ZSCAN5A: variants seen among roughly 807,000 people sequenced by gnomAD.
ZSCAN5A encodes zinc finger and SCAN domain-containing protein 5A.
Under a neutral mutation model 23.7 loss-of-function variants are expected in ZSCAN5A, and 12 were observed. The observed-to-expected ratio is 0.51, with a 90% CI of 0.32 to 0.82. The LOEUF (loss-of-function observed/expected upper bound fraction) is 0.82. Among genes scored for constraint, ZSCAN5A ranks in the 40% least tolerant of loss-of-function variants. The pLI, the probability that ZSCAN5A is intolerant of heterozygous loss-of-function variation, is 0.03. For missense variants in ZSCAN5A, 597 were observed against 617.9 expected (o/e 0.97, Z 0.36); for synonymous variants, 257 against 239.9 (o/e 1.07, Z -0.66).
At chr19:56,243,932 T>A in intron 2 of ZSCAN5A, 2 of 558,124 alleles carry the variant, frequency 3.6e-6, no homozygotes, top group Non-Finnish European at 6.4e-6. Context: ...TTCTGAACAG[T>A]GAATCTATTA....
intron 2 of ZSCAN5A, among the ~76,000 whole-genome samples, chr19:56,254,694 TA>T (rs2036580171): frequency 6.6e-6 from 1 of 152,154 alleles, no homozygotes; most frequent in Non-Finnish European, 1.5e-5. Context: ...ATTAACAGTA[TA>T]CCAGGGTTCC....
rs890881159 is a variant in ZSCAN5A, at chr19:56,302,713, TC to T, written c.-128+10569del. 23 of 328,454 alleles carry T rather than the reference TC, an allele frequency of 7.0e-5. 1 individual carries two copies. The highest frequency in any genetic ancestry group is 1.7e-5 in the Non-Finnish European group (3 of 181,530). The allele number at this position is 328,454 out of a possible 1,614,324, so 20.3% of individuals were successfully genotyped here. On this transcript the variant is annotated intron_variant, in intron 2 of 5. Coordinates refer to ENST00000683990, the MANE Select transcript of ZSCAN5A (RefSeq NM_001322064.3). ...TCTCTCCTTCCTTCTCTTTCCTTCT[TC>T]CCTCCCTCCCACCTCTAGACTGGGA...
chr19:56,246,459 C>G, intron 2 of ZSCAN5A: 1 of 585,482 alleles, frequency 1.7e-6, no homozygotes, highest in Non-Finnish European at 3.1e-6. Context: ...AGCTTCCAAA[C>G]GGTCCTAGTG....
At chr19:56,305,716 G>C (rs1405410867) in intron 2 of ZSCAN5A, among the ~76,000 whole-genome samples, 4 of 152,148 alleles carry the variant, frequency 2.6e-5, no homozygotes. Flanking sequence ...ATGATTACAG[G>C]TGATACTTAG....
intron 2 of ZSCAN5A, among the ~76,000 whole-genome samples, chr19:56,280,895 C>CA (rs1333858745): frequency 6.6e-6 from 1 of 152,172 alleles, no homozygotes; most frequent in African/African-American, 2.4e-5. Flanking sequence ...GGTACACACT[C>CA]AAACCATAAC....
At chr19:56,342,807 A>G (rs2041604609) in intron 2 of ZSCAN5A, 1 of 775,172 alleles carries the variant, frequency 1.3e-6, no homozygotes, top group Non-Finnish European at 2.4e-6. Context: ...GGGACCAATC[A>G]TAAGACATTT....
chr19:56,221,797 C>T lies in ZSCAN5A; in HGVS notation c.1269G>A (p.Gln423=). The change falls in exon 6 of 6, where the codon CAG becomes CAA. Residue 423 remains glutamine (Q), a synonymous_variant. Coordinates refer to ENST00000683990, the MANE Select transcript of ZSCAN5A (RefSeq NM_001322064.3). ...TCTTGTGACACTTCAAGTAGGACTT[C>T]TGGGTGAACTGCTTCTGGCAGACGT... is the stretch of plus-strand genomic sequence containing the variant. ...TCDVCQKQFT[Q]KSYLKCHKRS... 1 of 1,614,060 alleles carries T rather than the reference C, an allele frequency of 6.2e-7. No individual in the cohort carries two copies. Among genetic ancestry groups the T allele is most frequent in the Non-Finnish European group, 8.5e-7 (1 of 1,179,912 alleles).
At chr19:56,314,938 C>T (rs2041272053), upstream of ZSCAN5A, 1 of 152,396 alleles carries the variant, frequency 6.6e-6, no homozygotes, top group Non-Finnish European at 1.5e-5. Context: ...CCAGAAGCCT[C>T]TGCGGCCGCC....
rs1469179176 is a variant in ZSCAN5A at position 56,302,438 on chromosome 19, T to C, written c.-128+10845A>G. 5.2e-5 allele frequency among the ~76,000 whole-genome samples: 7 copies of C among 133,658 alleles called. No individual in the cohort carries two copies. In the East Asian group the frequency reaches 1.6e-3, roughly 31 times the overall value. The allele number at this position is 133,658 out of a possible 152,430, so 87.7% of individuals were successfully genotyped here. A position where few individuals can be genotyped will look rare whatever the true frequency, so the allele number is the denominator to read the frequency against. Reference sequence around the variant, plus strand: ...TTCATCCCTCCCTTTCTCCCTTCCTTCCTTTCTTCCTCTCTCCGTCTGCTT... The same window carrying C: ...TTCATCCCTCCCTTTCTCCCTTCCTCCCTTTCTTCCTCTCTCCGTCTGCTT... On this transcript the variant is annotated intron_variant, in intron 2 of 5. Transcript: ENST00000683990.
chr19:56,353,207 G>T (rs1383151192), intron 2 of ZSCAN5A, among the ~76,000 whole-genome samples: 1 of 152,192 alleles, frequency 6.6e-6, no homozygotes, highest in Non-Finnish European at 1.5e-5. Flanking sequence ...AGAGATCGCT[G>T]GTGGAGAAGC....
At chr19:56,278,477 C>T (rs910896950) in intron 2 of ZSCAN5A, among the ~76,000 whole-genome samples, 2 of 152,312 alleles carry the variant, frequency 1.3e-5, no homozygotes, top group African/African-American at 2.4e-5. Flanking sequence ...TCTAATCTCA[C>T]ACAGATAAGG....
intron 2 of ZSCAN5A, chr19:56,322,073 T>C (rs2041381823): frequency 1.3e-6 from 1 of 768,234 alleles, no homozygotes; most frequent in East Asian, 2.4e-5. Flanking sequence ...CCACTTCCTC[T>C]TTCTTCTCCT....
At chr19:56,285,025 G>T in intron 2 of ZSCAN5A, 3 of 985,274 alleles carry the variant, frequency 3.0e-6, no homozygotes, top group Non-Finnish European at 3.6e-6. Flanking sequence ...TCACCGGATG[G>T]TAAGTGTCAG....
intron 2 of ZSCAN5A, among the ~76,000 whole-genome samples, chr19:56,251,307 T>C (rs7254061): frequency 0.69 from 104,426 of 152,028 alleles, 36,707 homozygotes; most frequent in African/African-American, 0.84. Context: ...ATGGCCCATT[T>C]TTGGTGCTTT....
chr19:56,342,495 GTA>G (rs200322225), intron 2 of ZSCAN5A: 8,248 of 402,310 alleles, frequency 0.021, 606 homozygotes, highest in African/African-American at 0.16. Context: ...GGCTGGAACA[GTA>G]AGCACTCCAA....
Position 56,322,371 on chromosome 19 carries a change from C to G in ZSCAN5A, c.-357-6103G>C, listed in dbSNP as rs1462138187. ...AGATCTGGCTTCCCCTATTCCACAC[C>G]TCTCAGCCGGCAGGCTTCCCTAGGC... On this transcript the variant is annotated intron_variant, in intron 2 of 6. Transcript: ENST00000587340. 8.1e-6 allele frequency: 6 copies of G among 736,758 alleles called. No individual in the cohort carries two copies. The African/African-American group carries it at 1.0e-4, about 13-fold the overall frequency. 45.6% of individuals were successfully genotyped at this position (736,758 alleles called of 1,614,324 possible). A position where few individuals can be genotyped will look rare whatever the true frequency, so the allele number is the denominator to read the frequency against.
At chr19:56,222,938 C>T (rs1187625852) in intron 4 of ZSCAN5A, among the ~76,000 whole-genome samples, 197 bp from the exon 5 acceptor site, 2 of 152,166 alleles carry the variant, frequency 1.3e-5, no homozygotes, top group Non-Finnish European at 2.9e-5. Flanking sequence ...CTAATCTGCA[C>T]CCTCCATATT....
At chr19:56,286,675 G>A (rs2039149004) in intron 2 of ZSCAN5A, 1 of 152,238 alleles carries the variant, frequency 6.6e-6, no homozygotes, top group Admixed American at 6.5e-5. Context: ...AGTGTTATGA[G>A]TTAAAGATGC....
At chr19:56,279,980 C>T (rs987285399) in intron 2 of ZSCAN5A, among the ~76,000 whole-genome samples, 2 of 151,968 alleles carry the variant, frequency 1.3e-5, no homozygotes, top group African/African-American at 4.8e-5. Flanking sequence ...AATAAGATTT[C>T]CAGGGTTCAG....
Sources: gnomAD v4.1 joint callset for allele counts (sites outside exome capture counted in the v4.1 genomes callset) on GRCh38, gnomAD v4.1.1 for gene constraint, MANE v1.5 for transcripts, NCBI Gene and HGNC (gene_info 2026-07-23, HGNC 2026-07-21) for gene names.